Variants in FRMPD4 observed in about 807,000 individuals in gnomAD.
FRMPD4 encodes the protein FERM and PDZ domain containing 4.
In FRMPD4, 22 loss-of-function variants were observed where a neutral mutation model predicts 94.1. The ratio of observed to expected loss-of-function variants is 0.23; its 90% CI spans 0.17 to 0.33. The LOEUF (loss-of-function observed/expected upper bound fraction) is 0.33. Among genes scored for constraint, FRMPD4 ranks in the 10% least tolerant of loss-of-function variants. The probability of loss-of-function intolerance (pLI) is 1.00; values close to 1 mark genes in which losing one functional copy is unlikely to be tolerated. For synonymous variants in FRMPD4, 631 were observed against 548.6 expected (o/e 1.15, Z -2.10); for missense variants, 1,111 against 1,339.9 (o/e 0.83, Z 2.67).
intron 3 of FRMPD4, among the ~76,000 whole-genome samples, chrX:12,043,167 T>G (rs1427242618): frequency 2.7e-5 from 3 of 111,603 alleles, no homozygotes; most frequent in African/African-American, 9.8e-5. Flanking sequence ...TTATATATGT[T>G]TGTTGGTGGC....
intron 1 of FRMPD4, among the ~76,000 whole-genome samples, chrX:12,462,332 C>T (rs1422296924): frequency 1.8e-5 from 2 of 112,129 alleles, no homozygotes; most frequent in African/African-American, 6.5e-5. Context: ...AACAATATAA[C>T]TCCACTGACC....
chrX:12,384,781 A>G (rs748629382), intron 1 of FRMPD4, among the ~76,000 whole-genome samples: 12 of 112,388 alleles, frequency 1.1e-4, no homozygotes, highest in Non-Finnish European at 2.3e-4. Context: ...GTAAACAAAA[A>G]TAAGTAGGTA....
intron 1 of FRMPD4, among the ~76,000 whole-genome samples, chrX:12,277,078 G>A (rs1306506453): frequency 1.1e-5 from 1 of 93,087 alleles, no homozygotes; most frequent in African/African-American, 4.2e-5. Flanking sequence ...CCGAGATCCC[G>A]CCACTGCACT....
intron 1 of FRMPD4, among the ~76,000 whole-genome samples, chrX:12,254,712 G>T (rs1373891888): frequency 8.9e-6 from 1 of 111,914 alleles, no homozygotes; most frequent in Non-Finnish European, 1.9e-5. Flanking sequence ...ATTTACGCAA[G>T]GCTTTTATTT....
At chrX:12,509,767 T>C (rs915609191) in intron 2 of FRMPD4, among the ~76,000 whole-genome samples, 12 of 112,146 alleles carry the variant, frequency 1.1e-4, no homozygotes, top group South Asian at 7.5e-4. Flanking sequence ...TTTAGGCATT[T>C]AGGTAAAGCC....
intron 1 of FRMPD4, among the ~76,000 whole-genome samples, chrX:12,340,845 T>C (rs1437652038): frequency 9.0e-6 from 1 of 111,499 alleles, no homozygotes; most frequent in Admixed American, 9.5e-5. Flanking sequence ...AAATGATCTG[T>C]TTCAATGACG....
chrX:12,470,549 C>T (rs16998939), intron 1 of FRMPD4, among the ~76,000 whole-genome samples: 9,236 of 111,607 alleles, frequency 0.083, 315 homozygotes, highest in Middle Eastern at 0.11. Flanking sequence ...AATGTACTGA[C>T]GTCTTTGTGG....
At chrX:12,409,227 G>A (rs770269549) in intron 1 of FRMPD4, among the ~76,000 whole-genome samples, 3 of 111,677 alleles carry the variant, frequency 2.7e-5, no homozygotes, top group Non-Finnish European at 5.7e-5. Flanking sequence ...TTCTCAATCG[G>A]GTGATTTTAC....
intron 1 of FRMPD4, among the ~76,000 whole-genome samples, chrX:12,313,438 G>A (rs2055065944): frequency 8.9e-6 from 1 of 112,587 alleles, no homozygotes; most frequent in Non-Finnish European, 1.9e-5. Flanking sequence ...TGGTCACAGT[G>A]GAAAAGTGGC....
chrX:12,564,436 T>G (rs971927208), intron 2 of FRMPD4, among the ~76,000 whole-genome samples: 5 of 112,187 alleles, frequency 4.5e-5, no homozygotes, highest in Non-Finnish European at 9.4e-5. Flanking sequence ...CCAGTAGAAT[T>G]TATTCCATTT....
At chrX:11,885,519 G>A (rs2053840626) in intron 3 of FRMPD4, among the ~76,000 whole-genome samples, 1 of 110,899 alleles carries the variant, frequency 9.0e-6, no homozygotes, top group Admixed American at 9.6e-5. Flanking sequence ...ACTAAAAAAT[G>A]GTTAAGATAG....
intron 4 of FRMPD4, among the ~76,000 whole-genome samples, chrX:12,659,381 G>A (rs1172407709): frequency 8.9e-6 from 1 of 112,613 alleles, no homozygotes; most frequent in East Asian, 2.8e-4. Flanking sequence ...TAGACGGTAA[G>A]CTCTGCCAGG....
intron 2 of FRMPD4, among the ~76,000 whole-genome samples, chrX:12,527,616 G>A (rs751480869): frequency 9.1e-5 from 10 of 109,525 alleles, no homozygotes; most frequent in African/African-American, 3.3e-4. Context: ...CTTCACTCAG[G>A]CTAAATATCC....
chrX:12,113,601 A>C (rs1395919223), intron 3 of FRMPD4, among the ~76,000 whole-genome samples: 2 of 111,558 alleles, frequency 1.8e-5, no homozygotes, highest in Non-Finnish European at 3.8e-5. Flanking sequence ...CTTTTCCCTT[A>C]TAAAGCCCCT....
At position 12,718,718 on chromosome X, in the gene FRMPD4, A is replaced by G. The variant is rs780742360; in HGVS notation, c.3892A>G (p.Ile1298Val). ...GACAGTGCCTGCTCTGCACACAGCC[A>G]TTAACACCGAACCCCTGTTTGGCAC... Reference protein sequence around the residue: ...RMTVPALHTAINTEPLFGTLR... With the variant: ...RMTVPALHTAVNTEPLFGTLR... The change falls in exon 16 of 17, where the codon ATT becomes GTT. Residue 1298 changes from isoleucine to valine, a missense_variant. This residue lies in a region of FRMPD4 where 551 missense variants were observed against 591.6 expected (regional missense o/e 0.93). Transcript: ENST00000675598. 4 of 1,208,443 alleles carry G rather than the reference A, an allele frequency of 3.3e-6. No homozygotes were observed. In the African/African-American group the frequency reaches 7.0e-5, roughly 21 times the overall value.
intron 1 of FRMPD4, among the ~76,000 whole-genome samples, chrX:12,350,992 G>T (rs1351441030): frequency 1.8e-5 from 2 of 111,426 alleles, no homozygotes; most frequent in African/African-American, 6.5e-5. Context: ...TGGCCAACAT[G>T]GTGAAACCCC....
chrX:12,226,755 T>G (rs887593318), intron 1 of FRMPD4, among the ~76,000 whole-genome samples: 9 of 111,461 alleles, frequency 8.1e-5, no homozygotes, highest in African/African-American at 2.6e-4. Flanking sequence ...AAAGGAACCC[T>G]GAGCCTAAAA....
chrX:12,577,291 C>T (rs925695437), intron 2 of FRMPD4, among the ~76,000 whole-genome samples: 10 of 111,111 alleles, frequency 9.0e-5, no homozygotes, highest in Non-Finnish European at 1.3e-4. Flanking sequence ...GGTAATTGAT[C>T]AAAATATGAT....
rs778239636 is a variant in FRMPD4, at chrX:12,579,369, G to C, written c.159-30352G>C. ...GTTTTCTTAATTGGATTAGACTGCA[G>C]ACTCTAGCCTATCTTCAGGGACACA... On this transcript the variant is annotated intron_variant, in intron 2 of 16. Coordinates refer to ENST00000675598, the MANE Select transcript of FRMPD4 (RefSeq NM_001368397.1). Among the ~76,000 whole-genome samples the C allele has an allele frequency of 3.6e-5, 4 of 112,351 alleles. No homozygotes were observed. In the South Asian group the frequency reaches 1.5e-3, roughly 41 times the overall value.
Sources: gnomAD v4.1 joint callset for allele counts (sites outside exome capture counted in the v4.1 genomes callset) on GRCh38, gnomAD v4.1.1 for gene constraint, gnomAD v4.1.1 regional missense constraint, MANE v1.5 for transcripts, NCBI Gene and HGNC (gene_info 2026-07-23, HGNC 2026-07-21) for gene names.